The following GIMAP2 variants were observed in gnomAD, a reference collection of about 807,000 sequenced individuals.
GIMAP2 encodes GTPase IMAP family member 2.
A neutral mutation model predicts 25.5 loss-of-function variants in GIMAP2; 22 were observed. The ratio of observed to expected loss-of-function variants is 0.86; its 90% CI spans 0.62 to 1.23. The LOEUF is 1.23. GIMAP2 is among the 50% of genes most tolerant of loss of function. The pLI is 0.00. For synonymous variants in GIMAP2, 167 were observed against 143.0 expected, an observed-to-expected ratio of 1.17 and a Z score of -1.20; for missense variants, 422 against 395.7, an observed-to-expected ratio of 1.07 and a Z score of -0.56.
intron 2 of GIMAP2, 132 bp downstream of exon 2, chr7:150,687,219 C>A: frequency 1.4e-6 from 1 of 728,688 alleles, no homozygotes. Context: ...CTAACTCCCA[C>A]AGCTACCACC....
intron 2 of GIMAP2, among the ~76,000 whole-genome samples, chr7:150,688,012 C>T (rs772836992): frequency 6.6e-5 from 10 of 152,162 alleles, no homozygotes; most frequent in Non-Finnish European, 1.5e-4. Flanking sequence ...AGGTCTCTGG[C>T]TTCATTGTGT....
chr7:150,689,174 A>G (rs1324655698), intron 2 of GIMAP2, among the ~76,000 whole-genome samples: 1 of 152,214 alleles, frequency 6.6e-6, no homozygotes, highest in African/African-American at 2.4e-5. Context: ...TCCAAACTTC[A>G]GGTTACATCT....
Position 150,692,527 on chromosome 7 carries a change from A to T in GIMAP2, c.241A>T (p.Met81Leu). 6.2e-7 allele frequency: 1 copy of T among 1,614,138 alleles called. No individual in the cohort carries two copies. The highest frequency in any genetic ancestry group is 8.5e-7 in the Non-Finnish European group (1 of 1,179,990). The stretch of plus-strand genomic sequence containing the variant: ...GATTGTCATTATTGACACACCAGAT[A>T]TGTTTTCTTGGAAGGACCACTGTGA... ...REIVIIDTPD[M>L]FSWKDHCEAL... Residue 81 changes from methionine (M) to leucine (L), a missense_variant, in exon 3 of 3, where the codon ATG becomes TTG. Transcript: ENST00000223293.
chr7:150,693,466 TG>T lies in GIMAP2; in HGVS notation c.*167del. The stretch of plus-strand genomic sequence containing the variant: ...CCAAATCATACGATAAGTTACTGTT[TG>T]CATTGAAATATAATATCAAAGCCTT... On this transcript the variant is annotated 3_prime_UTR_variant, in exon 3 of 3. Transcript: ENST00000223293. 1 of 520,162 alleles carries T rather than the reference TG, an allele frequency of 1.9e-6. No homozygotes were observed. The highest frequency in any genetic ancestry group is 3.3e-6 in the Non-Finnish European group (1 of 299,944). The allele number at this position is 520,162 out of a possible 1,614,324, so 32.2% of individuals were successfully genotyped here. A position where few individuals can be genotyped will look rare whatever the true frequency, so the allele number is the denominator to read the frequency against.
At position 150,693,135 on chromosome 7, in the gene GIMAP2, G is replaced by A. The variant is rs1162231570; in HGVS notation, c.849G>A (p.Leu283=). Residue 283 remains leucine (L), a synonymous_variant, in exon 3 of 3, where the codon TTG becomes TTA. Coordinates refer to ENST00000223293, the MANE Select transcript of GIMAP2 (RefSeq NM_015660.3). ...TTTGTATTCAGTTGTTTCTCAGATT[G>A]ATAATTCTGTGGCTTTGCATACTGC... is the stretch of plus-strand genomic sequence containing the variant. ...VLFCIQLFLR[L]IILWLCILHS... is the part of the protein sequence containing the mutation. 5.0e-6 allele frequency: 8 copies of A among 1,613,392 alleles called. No individual in the cohort carries two copies. Among genetic ancestry groups the A allele is most frequent in the African/African-American group, 1.3e-5 (1 of 74,914 alleles).
At position 150,693,467 on chromosome 7, in the gene GIMAP2, G is replaced by A; in HGVS notation, c.*167G>A. On this transcript the variant is annotated 3_prime_UTR_variant, in exon 3 of 3. Coordinates refer to ENST00000223293, the MANE Select transcript of GIMAP2 (RefSeq NM_015660.3). ...CAAATCATACGATAAGTTACTGTTT[G>A]CATTGAAATATAATATCAAAGCCTT... 2.0e-6 allele frequency: 1 copy of A among 512,354 alleles called. No individual in the cohort carries two copies. The highest frequency in any genetic ancestry group is 3.4e-5 in the South Asian group (1 of 29,246). The allele number at this position is 512,354 out of a possible 1,614,324, so 31.7% of individuals were successfully genotyped here.
chr7:150,686,994 T>C (rs988247136), intron 1 of GIMAP2, 58 bp from the exon 2 acceptor site: 37 of 1,008,840 alleles, frequency 3.7e-5, no homozygotes, highest in Non-Finnish European at 5.3e-5. Context: ...AAAAGAAATA[T>C]AAGAATTTTT....
Position 150,693,080 on chromosome 7 carries a change from C to T in GIMAP2, c.794C>T (p.Ala265Val). ...GCTGAAGCAAACTGCCTAAAAGGAG[C>T]CTTAATCAAAACACAACTGTGTGTT... ...ALAEANCLKGALIKTQLCVLF... is the reference protein window; with the variant it reads ...ALAEANCLKGVLIKTQLCVLF... Residue 265 changes from alanine (A) to valine (V), a missense_variant, in exon 3 of 3, where the codon GCC (alanine) becomes GTC (valine). Coordinates refer to ENST00000223293, the MANE Select transcript of GIMAP2 (RefSeq NM_015660.3). 6.2e-7 allele frequency: 1 copy of T among 1,613,730 alleles called. No homozygotes were observed.
In GIMAP2 at chr7:150,692,628, G is replaced by A. The variant is rs747233976; in HGVS notation, c.342G>A (p.Gln114=). Residue 114 remains glutamine (Q), a synonymous_variant, in exon 3 of 3, where the codon CAG becomes CAA. Coordinates refer to ENST00000223293, the MANE Select transcript of GIMAP2 (RefSeq NM_015660.3). ...CCCATGTGCTGCTCCTGGTGACTCA[G>A]CTGGGCCGCTATACCTCACAGGACC... ...PGPHVLLLVT[Q]LGRYTSQDQQ... 1.2e-6 allele frequency: 2 copies of A among 1,614,176 alleles called. No individual in the cohort carries two copies. The highest frequency in any genetic ancestry group is 2.2e-5 in the South Asian group (2 of 91,082).
Position 150,693,458 on chromosome 7 carries a change from T to C in GIMAP2, c.*158T>C. ...TTAATGAACCAAATCATACGATAAG[T>C]TACTGTTTGCATTGAAATATAATAT... On this transcript the variant is annotated 3_prime_UTR_variant, in exon 3 of 3. Transcript: ENST00000223293. 1.9e-6 allele frequency: 1 copy of C among 534,408 alleles called. No homozygotes were observed. The highest frequency in any genetic ancestry group is 3.2e-6 in the Non-Finnish European group (1 of 308,682). 33.1% of individuals were successfully genotyped at this position (534,408 alleles called of 1,614,324 possible).
rs144149379 is a variant in GIMAP2 at position 150,692,660 on chromosome 7, C to T, written c.374C>T (p.Ala125Val). ...LGRYTSQDQQ[A>V]AQRVKEIFGE... is the part of the protein sequence containing the mutation. Reference sequence around the variant, plus strand: ...CGCTATACCTCACAGGACCAGCAGGCTGCACAGAGGGTGAAGGAGATCTTT... The same window carrying T: ...CGCTATACCTCACAGGACCAGCAGGTTGCACAGAGGGTGAAGGAGATCTTT... Residue 125 changes from alanine (A) to valine (V), a missense_variant, in exon 3 of 3, where the codon GCT becomes GTT. Coordinates refer to ENST00000223293, the MANE Select transcript of GIMAP2 (RefSeq NM_015660.3). The T allele has an allele frequency of 7.4e-6, 12 of 1,614,216 alleles. 1 individual carries two copies. In the Admixed American group the frequency reaches 2.0e-4, roughly 27 times the overall value.
chr7:150,686,476 T>G (rs1796901510), intron 1 of GIMAP2, among the ~76,000 whole-genome samples: 1 of 151,966 alleles, frequency 6.6e-6, no homozygotes, highest in Non-Finnish European at 1.5e-5. Context: ...CGGGCTGATC[T>G]GTGAGAGGAC....
chr7:150,689,045 C>A (rs1796936740), intron 2 of GIMAP2, among the ~76,000 whole-genome samples: 1 of 152,330 alleles, frequency 6.6e-6, no homozygotes, highest in East Asian at 1.9e-4. Flanking sequence ...CCATGGGAAA[C>A]CCCCTAAGCC....
rs149977514 is a variant in GIMAP2 at position 150,693,099 on chromosome 7, G to A, written c.813G>A (p.Leu271=). Residue 271 remains leucine, a synonymous_variant, in exon 3 of 3, where the codon CTG becomes CTA. Transcript: ENST00000223293. Reference sequence around the variant, plus strand: ...AAGGAGCCTTAATCAAAACACAACTGTGTGTTTTATTTTGTATTCAGTTGT... The same window carrying A: ...AAGGAGCCTTAATCAAAACACAACTATGTGTTTTATTTTGTATTCAGTTGT... ...CLKGALIKTQ[L]CVLFCIQLFL... is the part of the protein sequence containing the mutation. The A allele has an allele frequency of 4.3e-6, 7 of 1,611,772 alleles. No homozygotes were observed. The African/African-American group carries it at 9.3e-5, about 21-fold the overall frequency.
At chr7:150,686,943 C>CAAAAAAAA (rs1224720533) in intron 1 of GIMAP2, 109 bp from the exon 2 acceptor site, 2 of 484,818 alleles carry the variant, frequency 4.1e-6, no homozygotes, top group East Asian at 3.9e-5. Flanking sequence ...AACTGTGTCT[C>CAAAAAAAA]AAAAAAAAAA....
rs879099606 is a variant in GIMAP2, at chr7:150,693,585, C to T, written c.*285C>T. 4.7e-5 allele frequency: 13 copies of T among 275,888 alleles called. No homozygotes were observed. The South Asian group carries it at 8.7e-4, about 19-fold the overall frequency. The allele number at this position is 275,888 out of a possible 1,614,324, so 17.1% of individuals were successfully genotyped here. On this transcript the variant is annotated 3_prime_UTR_variant, in exon 3 of 3. Coordinates refer to ENST00000223293, the MANE Select transcript of GIMAP2 (RefSeq NM_015660.3). ...TCTCATTTTCTTCTTTCTAGTACTACTATTTCTACTGAATATAATGAAAAT... is the reference window on the plus strand; with the variant it reads ...TCTCATTTTCTTCTTTCTAGTACTATTATTTCTACTGAATATAATGAAAAT...
At chr7:150,691,234 T>C (rs1476214224) in intron 2 of GIMAP2, among the ~76,000 whole-genome samples, 1 of 152,218 alleles carries the variant, frequency 6.6e-6, no homozygotes, top group African/African-American at 2.4e-5. Context: ...GGTTCTTCCA[T>C]GAACCTGCCC....
At chr7:150,687,193 G>A (rs1361382276) in intron 2 of GIMAP2, 106 bp downstream of exon 2, 6 of 993,484 alleles carry the variant, frequency 6.0e-6, no homozygotes, top group South Asian at 4.2e-5. Flanking sequence ...AATAAACAAG[G>A]GTGAAGGATC....
chr7:150,687,932 T>G (rs946805102), intron 2 of GIMAP2, among the ~76,000 whole-genome samples: 3 of 152,096 alleles, frequency 2.0e-5, no homozygotes, highest in Non-Finnish European at 4.4e-5. Flanking sequence ...GTCTCTTACA[T>G]CAAGAAGAGC....
Sources: gnomAD v4.1 joint callset for allele counts (sites outside exome capture counted in the v4.1 genomes callset) on GRCh38, gnomAD v4.1.1 for gene constraint, MANE v1.5 for transcripts, NCBI Gene and HGNC (gene_info 2026-07-23, HGNC 2026-07-21) for gene names.